Variants in FRY observed in about 807,000 individuals in gnomAD.
The protein encoded by FRY is FRY microtubule binding protein, also known as protein furry homolog.
FRY carries 128 observed loss-of-function variants against 348.4 expected under a neutral mutation model. The observed-to-expected ratio is 0.37, with a 90% CI of 0.32 to 0.43. FRY has a LOEUF of 0.43. FRY is among the 20% of genes least tolerant of loss of function. The pLI, the probability that FRY is intolerant of heterozygous loss-of-function variation, is 1.00. For missense variants in FRY, 2,736 were observed against 3,695.2 expected, an observed-to-expected ratio of 0.74 and a Z score of 6.73; for synonymous variants, 1,370 against 1,374.7, an observed-to-expected ratio of 1.00 and a Z score of 0.08.
chr13:32,094,611 A>G (rs1876565918), intron 2 of FRY, among the ~76,000 whole-genome samples: 1 of 152,088 alleles, frequency 6.6e-6, no homozygotes, highest in African/African-American at 2.4e-5. Context: ...GAGAACATGC[A>G]ATGTTTATCT....
chr13:32,188,961 T>C (rs560569963), intron 28 of FRY, among the ~76,000 whole-genome samples: 5 of 152,264 alleles, frequency 3.3e-5, no homozygotes, highest in African/African-American at 1.2e-4. Context: ...GGTTATTGTG[T>C]CTGCTGTTAA....
chr13:32,053,407 C>T (rs1873448620), intron 1 of FRY, among the ~76,000 whole-genome samples: 1 of 152,182 alleles, frequency 6.6e-6, no homozygotes, highest in Non-Finnish European at 1.5e-5. Context: ...TTGAATGAAG[C>T]TCTCTAGATT....
Position 32,249,630 on chromosome 13 carries a change from A to G in FRY, c.7113A>G (p.Ser2371=), listed in dbSNP as rs763328587. The G allele has an allele frequency of 1.9e-5, 31 of 1,614,184 alleles. No individual in the cohort carries two copies. Among genetic ancestry groups the G allele is most frequent in the South Asian group, 1.8e-4 (16 of 91,088 alleles). Residue 2371 remains serine, a synonymous_variant, in exon 49 of 61, where the codon TCA becomes TCG. Coordinates refer to ENST00000542859, the MANE Select transcript of FRY (RefSeq NM_023037.3). ...CCCGGAGCACATCTTCCACTTCCTC[A>G]GGCTCCAACTCCAACGTCCTTGTTC... ...AVTRSTSSTS[S]GSNSNVLVPV... is the part of the protein sequence containing the mutation.
intron 14 of FRY, among the ~76,000 whole-genome samples, chr13:32,153,017 G>T (rs1442636207): frequency 6.6e-6 from 1 of 152,122 alleles, no homozygotes; most frequent in Non-Finnish European, 1.5e-5. Context: ...AACCTCATTA[G>T]TCATTAAGGA....
At chr13:32,293,788 C>G (rs1042175738) in intron 59 of FRY, among the ~76,000 whole-genome samples, 13 of 152,230 alleles carry the variant, frequency 8.5e-5, no homozygotes, top group Non-Finnish European at 1.8e-4. Flanking sequence ...CAGCTTTTTC[C>G]CATGGTGTGG....
intron 2 of FRY, among the ~76,000 whole-genome samples, chr13:32,088,726 A>G (rs1428808035): frequency 1.3e-5 from 2 of 152,246 alleles, no homozygotes; most frequent in African/African-American, 4.8e-5. Context: ...CCAGGTAATA[A>G]AAAATATCAG....
intron 47 of FRY, 116 bp downstream of exon 47, chr13:32,244,298 T>C (rs1566163403): frequency 2.1e-6 from 2 of 933,532 alleles, no homozygotes; most frequent in African/African-American, 1.6e-5. Context: ...TTCCTTGACA[T>C]CCATGGCACA....
intron 38 of FRY, among the ~76,000 whole-genome samples, chr13:32,225,246 T>TAC (rs927490243): frequency 6.6e-6 from 1 of 152,250 alleles, no homozygotes; most frequent in African/African-American, 2.4e-5. Flanking sequence ...ACCATGTAAA[T>TAC]ACAGTGGTTT....
chr13:32,121,204 C>T (rs769941202), intron 4 of FRY, among the ~76,000 whole-genome samples: 10 of 152,300 alleles, frequency 6.6e-5, no homozygotes, highest in African/African-American at 9.6e-5. Context: ...TACGATTTTG[C>T]TATCATGATT....
chr13:32,185,621 C>A (rs1882985191), intron 26 of FRY, among the ~76,000 whole-genome samples: 1 of 152,128 alleles, frequency 6.6e-6, no homozygotes, highest in Non-Finnish European at 1.5e-5. Flanking sequence ...AGAAAATTAT[C>A]TTTCACAGAG....
At chr13:32,234,540 A>C (rs1314414083) in intron 41 of FRY, 34 bp from the exon 42 acceptor site, 1 of 1,593,098 alleles carries the variant, frequency 6.3e-7, no homozygotes, top group African/African-American at 1.3e-5. Flanking sequence ...TGTAGAGTAG[A>C]GACTGACCTA....
chr13:32,066,434 C>T (rs1360877772), intron 1 of FRY, among the ~76,000 whole-genome samples: 2 of 152,118 alleles, frequency 1.3e-5, no homozygotes, highest in Admixed American at 1.3e-4. Context: ...TGTGTCACTC[C>T]CAGGTATACA....
intron 17 of FRY, among the ~76,000 whole-genome samples, chr13:32,166,727 C>T (rs1041281367): frequency 1.3e-5 from 2 of 152,168 alleles, no homozygotes; most frequent in African/African-American, 4.8e-5. Context: ...CTCTTCACAG[C>T]TTCTTCCCCT....
In FRY at chr13:32,289,227, C is replaced by T. The variant is rs570201603; in HGVS notation, c.8470-406C>T. On this transcript the variant is annotated intron_variant, in intron 58 of 60. Coordinates refer to ENST00000542859, the MANE Select transcript of FRY (RefSeq NM_023037.3). ...GTCTACAGAATTTATAAGTTTAACA[C>T]CTAGAACTACTTAATGTTTTGCCTT... 2.0e-5 allele frequency among the ~76,000 whole-genome samples: 3 copies of T among 152,212 alleles called. No homozygotes were observed. In the South Asian group the frequency reaches 6.2e-4, roughly 32 times the overall value.
chr13:32,263,264 A>G (rs939941879), intron 53 of FRY, among the ~76,000 whole-genome samples: 1 of 152,210 alleles, frequency 6.6e-6, no homozygotes, highest in African/African-American at 2.4e-5. Flanking sequence ...AAAAAATAAA[A>G]TCGAAAAAAT....
rs114680998 is a variant in FRY, at chr13:32,063,089, C to T, written c.71-15745C>T. 1.4e-3 allele frequency among the ~76,000 whole-genome samples: 208 copies of T among 152,194 alleles called. 1 individual carries two copies. The highest frequency in any genetic ancestry group is 4.7e-3 in the African/African-American group (197 of 41,520). On this transcript the variant is annotated intron_variant, in intron 1 of 60. Transcript: ENST00000542859. ...TAAGATTAGACTGTCCTTCAAGTCA[C>T]CCTCTGCATCATGTAATCCCCAAGG...
chr13:32,148,711 C>G (rs2138834789), intron 13 of FRY, among the ~76,000 whole-genome samples: 1 of 152,264 alleles, frequency 6.6e-6, no homozygotes, highest in South Asian at 2.1e-4. Context: ...GATAAAAATG[C>G]TTGCTTCAGA....
intron 51 of FRY, among the ~76,000 whole-genome samples, chr13:32,259,152 T>C (rs888934630): frequency 1.3e-5 from 2 of 152,208 alleles, no homozygotes; most frequent in South Asian, 2.1e-4. Flanking sequence ...TCACTTTGTA[T>C]GTAACATAAA....
chr13:32,054,792 A>G (rs1317379939), intron 1 of FRY, among the ~76,000 whole-genome samples: 2 of 152,072 alleles, frequency 1.3e-5, no homozygotes, highest in Admixed American at 6.5e-5. Flanking sequence ...GGAGAATGGC[A>G]TGAACCCGAG....
Sources: gnomAD v4.1 joint callset for allele counts (sites outside exome capture counted in the v4.1 genomes callset) on GRCh38, gnomAD v4.1.1 for gene constraint, MANE v1.5 for transcripts, NCBI Gene and HGNC (gene_info 2026-07-23, HGNC 2026-07-21) for gene names.